The following NTNG1 variants were observed in gnomAD, a reference collection of about 807,000 sequenced individuals.
NTNG1 encodes the protein netrin G1.
In NTNG1, 16 loss-of-function variants were observed where a neutral mutation model predicts 54.0. That is an observed-to-expected ratio of 0.30 (90% CI 0.20 to 0.45). The LOEUF is 0.45. NTNG1 is among the 20% of genes least tolerant of loss of function. NTNG1 has a pLI of 1.00. For synonymous variants in NTNG1, 255 were observed against 263.1 expected (o/e 0.97, Z 0.30); for missense variants, 530 against 678.7 (o/e 0.78, Z 2.43).
chr1:107,327,516 T>C (rs1184103465), intron 3 of NTNG1, among the ~76,000 whole-genome samples: 1 of 152,146 alleles, frequency 6.6e-6, no homozygotes, highest in African/African-American at 2.4e-5. Flanking sequence ...TAATTGATAA[T>C]CTCTAAAAGA....
chr1:107,284,551 A>G (rs560870719), intron 2 of NTNG1, among the ~76,000 whole-genome samples: 5 of 152,270 alleles, frequency 3.3e-5, no homozygotes, highest in East Asian at 3.9e-4. Context: ...GGAAAATTAA[A>G]TAGCCATTAA....
intron 3 of NTNG1, among the ~76,000 whole-genome samples, chr1:107,342,556 C>T (rs1235056361): frequency 6.6e-6 from 1 of 152,066 alleles, no homozygotes; most frequent in East Asian, 1.9e-4. Context: ...AATAGAGAAA[C>T]CATCTGCTCC....
intron 2 of NTNG1, among the ~76,000 whole-genome samples, chr1:107,168,752 A>G (rs1287030771): frequency 2.0e-5 from 3 of 152,136 alleles, no homozygotes; most frequent in African/African-American, 7.2e-5. Context: ...TCTTAACCAT[A>G]AAGGGCTGAT....
intron 3 of NTNG1, among the ~76,000 whole-genome samples, chr1:107,391,745 G>T (rs985983349): frequency 6.6e-5 from 10 of 152,024 alleles, no homozygotes; most frequent in African/African-American, 2.4e-4. Flanking sequence ...GCCAGATCTT[G>T]CAAAAACTCA....
At chr1:107,447,374 A>T (rs1022468454) in intron 7 of NTNG1, among the ~76,000 whole-genome samples, 9 of 152,048 alleles carry the variant, frequency 5.9e-5, no homozygotes, top group African/African-American at 2.2e-4. Context: ...TTAGTGATGC[A>T]ATGTCAGAGG....
intron 2 of NTNG1, among the ~76,000 whole-genome samples, chr1:107,229,304 T>C (rs1283966188): frequency 1.3e-5 from 2 of 149,658 alleles, no homozygotes; most frequent in African/African-American, 4.9e-5. Flanking sequence ...ATACACTTGA[T>C]GTCATTTTCT....
Position 107,407,664 on chromosome 1 carries a change from T to C in NTNG1, c.1061-18T>C. 3 of 1,590,850 alleles carry C rather than the reference T, an allele frequency of 1.9e-6. No individual in the cohort carries two copies. Among genetic ancestry groups the C allele is most frequent in the Non-Finnish European group, 2.6e-6 (3 of 1,167,278 alleles). ...TAAATAGCTAACAGCTTTTCTTTAT[T>C]GTTTTCTTTTTCTCCAGGTATCCCC... On this transcript the variant is annotated intron_variant, in intron 4 of 7. Coordinates refer to ENST00000370068, the MANE Select transcript of NTNG1 (RefSeq NM_001113226.3).
chr1:107,276,854 T>A (rs1350061291), intron 2 of NTNG1, among the ~76,000 whole-genome samples: 1 of 151,540 alleles, frequency 6.6e-6, no homozygotes, highest in East Asian at 1.9e-4. Flanking sequence ...ATTGAAGAGA[T>A]GGGATAAACA....
At chr1:107,365,339 C>CA (rs939946884) in intron 3 of NTNG1, among the ~76,000 whole-genome samples, 3 of 151,920 alleles carry the variant, frequency 2.0e-5, no homozygotes, top group Admixed American at 1.3e-4. Context: ...TGTTCCCTAC[C>CA]AAAAAAAGAT....
intron 2 of NTNG1, among the ~76,000 whole-genome samples, chr1:107,154,627 G>T (rs1654836730): frequency 6.8e-6 from 1 of 147,500 alleles, no homozygotes; most frequent in African/African-American, 2.5e-5. Context: ...AAAAAAAACT[G>T]GGTGGAGCAG....
intron 7 of NTNG1, among the ~76,000 whole-genome samples, chr1:107,439,203 G>A (rs1675800338): frequency 6.6e-6 from 1 of 152,052 alleles, no homozygotes; most frequent in Non-Finnish European, 1.5e-5. Flanking sequence ...AAGCACTAAA[G>A]GATCAGTGGA....
chr1:107,192,678 A>G (rs1658051027), intron 2 of NTNG1, among the ~76,000 whole-genome samples: 1 of 152,074 alleles, frequency 6.6e-6, no homozygotes, highest in Non-Finnish European at 1.5e-5. Flanking sequence ...ATGTGTACAT[A>G]GTTTAAAATT....
chr1:107,241,058 T>TA (rs1206388410), intron 2 of NTNG1, among the ~76,000 whole-genome samples: 1 of 152,186 alleles, frequency 6.6e-6, no homozygotes, highest in Non-Finnish European at 1.5e-5. Flanking sequence ...AAAATATTTT[T>TA]AATAGTAATA....
Position 107,354,245 on chromosome 1 carries a change from C to T in NTNG1, c.887+29323C>T, listed in dbSNP as rs1224589984. ...CAGCACTTTGGGAGGCTGAAGCGGG[C>T]AGATCATGAGGTCAAGAGTTCAAGA... On this transcript the variant is annotated intron_variant, in intron 3 of 7. Transcript: ENST00000370068. Among the ~76,000 whole-genome samples the T allele has an allele frequency of 4.2e-4, 64 of 151,896 alleles. 2 individuals carry two copies. In the East Asian group the frequency reaches 0.011, roughly 25 times the overall value.
chr1:107,310,980 A>T (rs954030304), intron 2 of NTNG1, among the ~76,000 whole-genome samples: 2 of 152,178 alleles, frequency 1.3e-5, no homozygotes, highest in Non-Finnish European at 2.9e-5. Context: ...ATAATGAATC[A>T]ACCTCGGAAC....
At chr1:107,248,994 CAAAAAA>C (rs1196454799) in intron 2 of NTNG1, among the ~76,000 whole-genome samples, 3 of 109,134 alleles carry the variant, frequency 2.7e-5, no homozygotes, top group African/African-American at 1.0e-4. Context: ...ACTAAAAGTA[CAAAAAA>C]AAAAAAAAAA....
At position 107,301,153 on chromosome 1, in the gene NTNG1, A is replaced by C. The variant is rs186165903; in HGVS notation, c.247-23129A>C. Among the ~76,000 whole-genome samples the C allele has an allele frequency of 8.5e-5, 13 of 152,324 alleles. No homozygotes were observed. In the East Asian group the frequency reaches 2.5e-3, roughly 29 times the overall value. On this transcript the variant is annotated intron_variant, in intron 2 of 7. Transcript: ENST00000370068. ...AATGATTAGTATATTGCTTTAAAAA[A>C]TTTAATAACAATAACAATCCTATGT...
intron 2 of NTNG1, chr1:107,260,924 A>G (rs1022563701): frequency 5.3e-5 from 8 of 152,236 alleles, no homozygotes; most frequent in African/African-American, 1.9e-4. Context: ...AGGAGATTCC[A>G]GCTGGGACTA....
intron 5 of NTNG1, among the ~76,000 whole-genome samples, chr1:107,428,246 C>G (rs1454628039): frequency 6.6e-6 from 1 of 152,100 alleles, no homozygotes; most frequent in Non-Finnish European, 1.5e-5. Flanking sequence ...TCTACCTGCC[C>G]TGAGGAAGAT....
Sources: gnomAD v4.1 joint callset for allele counts (sites outside exome capture counted in the v4.1 genomes callset) on GRCh38, gnomAD v4.1.1 for gene constraint, MANE v1.5 for transcripts, NCBI Gene and HGNC (gene_info 2026-07-23, HGNC 2026-07-21) for gene names.